The following STK3 variants were observed in gnomAD, a reference collection of about 807,000 sequenced individuals.
STK3 encodes serine/threonine kinase 3, also known as serine/threonine-protein kinase 3.
STK3 carries 41 observed loss-of-function variants against 58.0 expected under a neutral mutation model. The ratio of observed to expected loss-of-function variants is 0.71; its 90% CI spans 0.55 to 0.92. The LOEUF (loss-of-function observed/expected upper bound fraction) is 0.92. Among genes scored for constraint, STK3 ranks in the 40% least tolerant of loss-of-function variants. The probability of loss-of-function intolerance (pLI) is 0.00; values close to 1 mark genes in which losing one functional copy is unlikely to be tolerated. For synonymous variants in STK3, 170 were observed against 191.0 expected (o/e 0.89, Z 0.91); for missense variants, 479 against 602.7 (o/e 0.79, Z 2.15).
rs374474058 is a variant in STK3 at position 98,848,491 on chromosome 8, C to T, written c.110+35156G>A. Among the ~76,000 whole-genome samples, 4 of 152,108 alleles carry T rather than the reference C, an allele frequency of 2.6e-5. No homozygotes were observed. The East Asian group carries it at 5.8e-4, about 22-fold the overall frequency. On this transcript the variant is annotated intron_variant, in intron 3 of 12. Transcript: ENST00000523601. ...CTCGAACTCCTGACCTCAGGTGATCCGCCTGCCTCGGCCTTTCAAAGTGCT... is the reference window on the plus strand; with the variant it reads ...CTCGAACTCCTGACCTCAGGTGATCTGCCTGCCTCGGCCTTTCAAAGTGCT...
intron 4 of STK3, 88 bp from the exon 5 acceptor site, chr8:98,707,399 CGT>C (rs371881958): frequency 5.2e-3 from 5,101 of 974,076 alleles, no homozygotes; most frequent in East Asian, 5.8e-3. Flanking sequence ...TATGTCTTTC[CGT>C]GTGTGTGTGT....
intron 3 of STK3, among the ~76,000 whole-genome samples, chr8:98,831,411 C>T (rs1468071511): frequency 6.6e-6 from 1 of 152,154 alleles, no homozygotes; most frequent in East Asian, 1.9e-4. Flanking sequence ...CACCACCATG[C>T]CCAGCTAAGT....
chr8:98,398,642 A>G (rs1017606397), downstream of STK3, among the ~76,000 whole-genome samples: 1 of 151,954 alleles, frequency 6.6e-6, no homozygotes, highest in African/African-American at 2.4e-5. Context: ...GAGGACACAG[A>G]CCTCACATTC....
intron 4 of STK3, among the ~76,000 whole-genome samples, chr8:98,713,655 A>T (rs919599564): frequency 2.0e-5 from 3 of 152,100 alleles, no homozygotes; most frequent in African/African-American, 7.2e-5. Flanking sequence ...AACCAAAAAA[A>T]CTCCAGGACC....
At chr8:98,441,320 C>G (rs1432400197) in intron 1 of STK3, among the ~76,000 whole-genome samples, 1 of 152,202 alleles carries the variant, frequency 6.6e-6, no homozygotes, top group Non-Finnish European at 1.5e-5. Flanking sequence ...CTGGAAACTT[C>G]TCAATATCAC....
At chr8:98,594,143 C>T (rs112571336) in intron 7 of STK3, among the ~76,000 whole-genome samples, 68 of 152,066 alleles carry the variant, frequency 4.5e-4, no homozygotes, top group African/African-American at 1.4e-3. Context: ...CCTGTCTCTA[C>T]GAAACAGACA....
rs183693456 is a variant in STK3, at chr8:98,686,578, C to A, written c.684+19889G>T. 3.5e-3 allele frequency among the ~76,000 whole-genome samples: 526 copies of A among 152,204 alleles called. 2 individuals are homozygous for A. The highest frequency in any genetic ancestry group is 6.0e-3 in the Admixed American group (92 of 15,270). ...TCCCACTAGCTCCCAAGCAATTACT[C>A]CTAACCAGAATGAAATGTATGAAAT... On this transcript the variant is annotated intron_variant, in intron 6 of 10. Coordinates refer to ENST00000419617, the MANE Select transcript of STK3 (RefSeq NM_006281.4).
intron 1 of STK3, among the ~76,000 whole-genome samples, chr8:98,380,362 C>A (rs1278306029): frequency 6.6e-6 from 1 of 151,908 alleles, no homozygotes; most frequent in Non-Finnish European, 1.5e-5. Context: ...ATCTTATTAC[C>A]CAGAGATAAC....
chr8:98,754,595 T>C (rs1830177059), intron 3 of STK3, among the ~76,000 whole-genome samples: 2 of 152,018 alleles, frequency 1.3e-5, no homozygotes, highest in African/African-American at 4.8e-5. Context: ...CAGCAATGTC[T>C]GCCTCCTGGG....
At chr8:98,743,429 T>C (rs988395858) in intron 4 of STK3, among the ~76,000 whole-genome samples, 2 of 151,982 alleles carry the variant, frequency 1.3e-5, no homozygotes, top group Non-Finnish European at 1.5e-5. Context: ...GAAATAATGC[T>C]TCATATCTAC....
At chr8:98,529,804 T>G (rs754775691) in intron 9 of STK3, among the ~76,000 whole-genome samples, 13 of 152,164 alleles carry the variant, frequency 8.5e-5, no homozygotes, top group Admixed American at 2.6e-4. Flanking sequence ...TCCACTTATG[T>G]CAGGTATTTA....
intron 4 of STK3, among the ~76,000 whole-genome samples, chr8:98,710,818 T>G (rs1826355748): frequency 6.6e-6 from 1 of 152,172 alleles, no homozygotes; most frequent in South Asian, 2.1e-4. Context: ...CAGCTGGAGA[T>G]CTGAGAACAG....
intron 2 of STK3, among the ~76,000 whole-genome samples, chr8:98,377,961 A>G (rs1451190918): frequency 6.6e-6 from 1 of 152,130 alleles, no homozygotes; most frequent in Non-Finnish European, 1.5e-5. Context: ...CAGGGACATA[A>G]GAGTAGAGGC....
intron 2 of STK3, among the ~76,000 whole-genome samples, chr8:98,434,514 C>T (rs900858621): frequency 4.6e-5 from 7 of 152,202 alleles, no homozygotes; most frequent in African/African-American, 1.2e-4. Context: ...CTGTTACATC[C>T]GGTCAATGGT....
chr8:98,661,609 C>G lies in STK3; in HGVS notation c.684+44858G>C, dbSNP rs185437586. On this transcript the variant is annotated intron_variant, in intron 6 of 10. Coordinates refer to ENST00000419617, the MANE Select transcript of STK3 (RefSeq NM_006281.4). The stretch of plus-strand genomic sequence containing the variant: ...CATTCTGCTCAAAATTTTCAAGTGG[C>G]CTCCCATAATCTTCGGGGAGGAAAA... Among the ~76,000 whole-genome samples, 18 of 152,174 alleles carry G rather than the reference C, an allele frequency of 1.2e-4. No homozygotes were observed. In the East Asian group the frequency reaches 3.3e-3, roughly 28 times the overall value.
intron 1 of STK3, among the ~76,000 whole-genome samples, chr8:98,792,313 G>A (rs1188949042): frequency 1.3e-5 from 2 of 152,182 alleles, no homozygotes; most frequent in African/African-American, 4.8e-5. Context: ...ATGTTGTCGG[G>A]GATGGAGTGA....
chr8:98,432,115 G>C (rs1301623130), intron 3 of STK3: 1 of 166,440 alleles, frequency 6.0e-6, no homozygotes, highest in South Asian at 2.1e-4. Context: ...GTCTTTGATC[G>C]ACCTTGCTAG....
At chr8:98,379,854 C>T (rs1720726755) in intron 1 of STK3, among the ~76,000 whole-genome samples, 2 of 152,126 alleles carry the variant, frequency 1.3e-5, no homozygotes, top group Admixed American at 6.5e-5. Flanking sequence ...CTCCCATGTT[C>T]ATTGCAGCAC....
Position 98,892,029 on chromosome 8 carries a change from C to T in STK3, c.-78-8195G>A, listed in dbSNP as rs945181359. Among the ~76,000 whole-genome samples the T allele has an allele frequency of 2.0e-5, 3 of 152,108 alleles. No individual in the cohort carries two copies. The South Asian group carries it at 6.2e-4, about 32-fold the overall frequency. ...AAAGGTAAATATCTGGGGTAGGCAG[C>T]TGTTTGCATAATGTGATTTTAAGTG... On this transcript the variant is annotated intron_variant, in intron 1 of 1. Transcript: ENST00000519420.
Sources: gnomAD v4.1 joint callset for allele counts (sites outside exome capture counted in the v4.1 genomes callset) on GRCh38, gnomAD v4.1.1 for gene constraint, MANE v1.5 for transcripts, NCBI Gene and HGNC (gene_info 2026-07-23, HGNC 2026-07-21) for gene names.